TRAPPC10: variants seen among roughly 807,000 people sequenced by gnomAD.
TRAPPC10 encodes trafficking protein particle complex subunit 10, also known as TRAPP 130 kDa subunit.
A neutral mutation model predicts 125.5 loss-of-function variants in TRAPPC10; 23 were observed. The ratio of observed to expected loss-of-function variants is 0.18; its 90% CI spans 0.13 to 0.26. The LOEUF is 0.26. Ranked by LOEUF, TRAPPC10 falls within the 10% of genes least tolerant of loss-of-function variation. TRAPPC10 has a pLI of 1.00. For missense variants in TRAPPC10, 1,123 were observed against 1,308.4 expected, an observed-to-expected ratio of 0.86 and a Z score of 2.19; for synonymous variants, 509 against 518.0, an observed-to-expected ratio of 0.98 and a Z score of 0.24.
intron 3 of TRAPPC10, among the ~76,000 whole-genome samples, chr21:44,047,586 G>A (rs2034946851): frequency 6.7e-6 from 1 of 149,300 alleles, no homozygotes; most frequent in Admixed American, 6.6e-5. Flanking sequence ...GCTACATGAA[G>A]TTCCATAACT....
chr21:44,023,158 G>A (rs919630352), intron 1 of TRAPPC10, among the ~76,000 whole-genome samples: 7 of 144,738 alleles, frequency 4.8e-5, no homozygotes, highest in South Asian at 2.3e-4. Flanking sequence ...TCAGCCTCCC[G>A]AGTAGCTGGG....
intron 3 of TRAPPC10, among the ~76,000 whole-genome samples, chr21:44,049,296 C>G (rs1432423000): frequency 6.6e-6 from 1 of 152,202 alleles, no homozygotes; most frequent in Non-Finnish European, 1.5e-5. Context: ...GGTTTCCTCC[C>G]TTCTATGTTT....
At chr21:44,019,415 C>T (rs901144792) in intron 1 of TRAPPC10, among the ~76,000 whole-genome samples, 1 of 152,202 alleles carries the variant, frequency 6.6e-6, no homozygotes, top group Non-Finnish European at 1.5e-5. Context: ...TGGGTTGCCT[C>T]AGAGCTTCCT....
intron 1 of TRAPPC10, among the ~76,000 whole-genome samples, chr21:44,019,399 C>T (rs1210226952): frequency 6.6e-6 from 1 of 152,202 alleles, no homozygotes; most frequent in Admixed American, 6.5e-5. Context: ...GTGCCTGCCT[C>T]TGTGGTGGGT....
At chr21:44,047,560 G>GTT (rs2034933729) in intron 3 of TRAPPC10, among the ~76,000 whole-genome samples, 1 of 151,102 alleles carries the variant, frequency 6.6e-6, no homozygotes, top group African/African-American at 2.5e-5. Flanking sequence ...GTGTGTGTGT[G>GTT]TGTGTGCGCG....
intron 7 of TRAPPC10, 125 bp from the exon 8 acceptor site, chr21:44,074,199 C>T (rs2037102636): frequency 8.7e-7 from 1 of 1,148,194 alleles, no homozygotes; most frequent in African/African-American, 1.5e-5. Context: ...TATCACAGAA[C>T]TGTTAGATGA....
intron 7 of TRAPPC10, among the ~76,000 whole-genome samples, chr21:44,064,071 G>A (rs990303601): frequency 1.3e-5 from 2 of 152,192 alleles, no homozygotes; most frequent in South Asian, 2.1e-4. Flanking sequence ...GTGCTGCTGC[G>A]TGAGCTGTCT....
intron 7 of TRAPPC10, among the ~76,000 whole-genome samples, chr21:44,070,806 T>C (rs1417064162): frequency 2.0e-5 from 3 of 152,236 alleles, no homozygotes; most frequent in African/African-American, 7.2e-5. Context: ...CTCTTGCGTC[T>C]CTGCTGCAGG....
At chr21:44,065,308 C>T (rs546614855) in intron 7 of TRAPPC10, among the ~76,000 whole-genome samples, 4 of 152,264 alleles carry the variant, frequency 2.6e-5, no homozygotes, top group Admixed American at 2.6e-4. Flanking sequence ...CTGTTGGCTC[C>T]TCTAGGTGCT....
At chr21:44,071,203 G>A (rs2036839678) in intron 7 of TRAPPC10, among the ~76,000 whole-genome samples, 1 of 152,220 alleles carries the variant, frequency 6.6e-6, no homozygotes, top group Non-Finnish European at 1.5e-5. Flanking sequence ...GCCGAAGTCA[G>A]GAGCCGGGTG....
intron 1 of TRAPPC10, among the ~76,000 whole-genome samples, chr21:44,023,324 C>T (rs141670240): frequency 2.0e-4 from 31 of 152,032 alleles, no homozygotes; most frequent in African/African-American, 6.5e-4. Context: ...TGTGAGCCAC[C>T]GCGCCCGGCC....
rs1681056203 is a variant in TRAPPC10, at chr21:44,087,111, G to A, written c.2539+151G>A. The A allele has an allele frequency of 2.3e-6, 2 of 861,054 alleles. No individual in the cohort carries two copies. Among genetic ancestry groups the A allele is most frequent in the South Asian group, 3.5e-5 (2 of 57,810 alleles). The allele number at this position is 861,054 out of a possible 1,614,324, so 53.3% of individuals were successfully genotyped here. A position where few individuals can be genotyped will look rare whatever the true frequency, so the allele number is the denominator to read the frequency against. ...TTCCATAGGAGCCCTGCGGCCTGAT[G>A]CCTGTGCTGGGGTCCCATCTGAGGT... On this transcript the variant is annotated intron_variant, in intron 16 of 22. Transcript: ENST00000291574. The surrounding 1 kb of genome is among the most constrained non-coding windows in gnomAD (Gnocchi z 4.6).
intron 11 of TRAPPC10, among the ~76,000 whole-genome samples, chr21:44,078,970 C>G (rs531733354): frequency 6.6e-6 from 1 of 152,118 alleles, no homozygotes; most frequent in Non-Finnish European, 1.5e-5. Flanking sequence ...GTGCTTTAAA[C>G]TTTGCTTTGG....
chr21:44,044,923 C>T (rs1336152977), intron 3 of TRAPPC10, among the ~76,000 whole-genome samples: 3 of 152,048 alleles, frequency 2.0e-5, no homozygotes, highest in African/African-American at 7.2e-5. Flanking sequence ...ACCTGGGCCT[C>T]CTAAAGTGCT....
rs746784534 is a variant in TRAPPC10 at position 44,076,534 on chromosome 21, C to T, written c.1301-18C>T. 1.2e-5 allele frequency: 19 copies of T among 1,605,236 alleles called. No homozygotes were observed. Among genetic ancestry groups the T allele is most frequent in the African/African-American group, 4.0e-5 (3 of 74,768 alleles). On this transcript the variant is annotated intron_variant, in intron 9 of 22. Transcript: ENST00000291574. ...CATGATGAAGATGAAGAGGGACTCT[C>T]GTTTCTTTCTGTTTAAGCCAACACA...
Position 44,055,853 on chromosome 21 carries a change from C to G in TRAPPC10, c.638C>G (p.Thr213Ser), listed in dbSNP as rs773220589. Residue 213 changes from threonine (T) to serine (S), a missense_variant, in exon 5 of 23, where the codon ACT becomes AGT. Physicochemically the swap from Thr to Ser is moderately conservative, Grantham distance 58 (BLOSUM62 1). Transcript: ENST00000291574. ...DDMRTLREKR[T>S]EPGWSFCEYF... Reference sequence around the variant, plus strand: ...ATGAGAACCTTGAGGGAGAAGAGGACTGAGCCAGGCTGGAGCTTTTGTGAA... The same window carrying G: ...ATGAGAACCTTGAGGGAGAAGAGGAGTGAGCCAGGCTGGAGCTTTTGTGAA... 1.9e-6 allele frequency: 3 copies of G among 1,610,736 alleles called. No homozygotes were observed. Among genetic ancestry groups the G allele is most frequent in the African/African-American group, 2.7e-5 (2 of 75,012 alleles).
chr21:44,033,424 C>T (rs770372926), intron 2 of TRAPPC10, among the ~76,000 whole-genome samples: 4 of 151,836 alleles, frequency 2.6e-5, no homozygotes, highest in Non-Finnish European at 5.9e-5. Flanking sequence ...AGAAAAATTG[C>T]TTAACATGTG....
At chr21:44,046,390 T>C (rs2034807491) in intron 3 of TRAPPC10, 4 of 273,368 alleles carry the variant, frequency 1.5e-5, no homozygotes, top group Middle Eastern at 1.2e-3. Flanking sequence ...CAGAGATTTG[T>C]GGGTGTGTGC....
chr21:44,081,017 C>CTT (rs67865929), intron 13 of TRAPPC10, among the ~76,000 whole-genome samples: 27 of 97,222 alleles, frequency 2.8e-4, no homozygotes, highest in Non-Finnish European at 4.7e-4. Flanking sequence ...TTTTTTTTTT[C>CTT]TTTTTTTTTT....
Sources: allele counts gnomAD v4.1 joint callset (sites outside exome capture counted in the v4.1 genomes callset), GRCh38; gene constraint gnomAD v4.1.1; non-coding constraint Gnocchi (gnomAD v3.1); transcripts MANE v1.5; gene names NCBI Gene and HGNC (gene_info 2026-07-23, HGNC 2026-07-21).